Variants in CCDC146 observed in about 807,000 individuals in gnomAD.
The protein encoded by CCDC146 is coiled-coil domain-containing protein 146.
CCDC146 carries 92 observed loss-of-function variants against 119.3 expected under a neutral mutation model. The ratio of observed to expected loss-of-function variants is 0.77; its 90% CI spans 0.65 to 0.92. The LOEUF (loss-of-function observed/expected upper bound fraction) is 0.92, where lower values mean the gene tolerates loss of function less well. CCDC146 is among the 40% of genes least tolerant of loss of function. CCDC146 has a pLI of 0.00. For missense variants in CCDC146, 1,000 were observed against 1,103.0 expected, an observed-to-expected ratio of 0.91 and a Z score of 1.32; for synonymous variants, 372 against 371.8, an observed-to-expected ratio of 1.00 and a Z score of -0.01.
chr7:77,157,643 G>C (rs1791197142), intron 1 of CCDC146, among the ~76,000 whole-genome samples: 1 of 152,018 alleles, frequency 6.6e-6, no homozygotes. Context: ...TCCCCTTAAG[G>C]CCACATCCTC....
intron 9 of CCDC146, among the ~76,000 whole-genome samples, chr7:77,265,222 G>A (rs535358484): frequency 2.9e-4 from 44 of 152,266 alleles, no homozygotes; most frequent in Non-Finnish European, 5.4e-4. Flanking sequence ...AAGTACTGAC[G>A]GAAACCTCAG....
intron 2 of CCDC146, among the ~76,000 whole-genome samples, chr7:77,191,507 T>C (rs1791761135): frequency 6.6e-6 from 1 of 152,184 alleles, no homozygotes; most frequent in Admixed American, 6.5e-5. Flanking sequence ...AGGATAGAAC[T>C]TAGACAATAT....
At chr7:77,127,397 G>A (rs536144283) in intron 1 of CCDC146, among the ~76,000 whole-genome samples, 1 of 152,230 alleles carries the variant, frequency 6.6e-6, no homozygotes, top group African/African-American at 2.4e-5. Context: ...CCATGGAGTG[G>A]GAGGCCTGGG....
intron 1 of CCDC146, among the ~76,000 whole-genome samples, chr7:77,164,143 G>A (rs891587435): frequency 3.3e-5 from 5 of 151,884 alleles, no homozygotes; most frequent in Admixed American, 6.6e-5. Context: ...GATTACAGGC[G>A]TGAGTCACCA....
At chr7:77,179,320 G>A (rs1024211529) in intron 2 of CCDC146, among the ~76,000 whole-genome samples, 4 of 152,134 alleles carry the variant, frequency 2.6e-5, no homozygotes, top group African/African-American at 9.6e-5. Context: ...AGAAGGTGCA[G>A]AATAGTAAAC....
intron 1 of CCDC146, among the ~76,000 whole-genome samples, chr7:77,144,278 T>C (rs376382074): frequency 6.6e-6 from 1 of 151,086 alleles, no homozygotes. Context: ...TATCCTGAGA[T>C]TTTGCTGAAG....
At chr7:77,222,331 A>G (rs1050429764) in intron 2 of CCDC146, among the ~76,000 whole-genome samples, 1 of 152,218 alleles carries the variant, frequency 6.6e-6, no homozygotes, top group Non-Finnish European at 1.5e-5. Context: ...CCTCCATGCT[A>G]AATGCACTAT....
chr7:77,261,369 G>A (rs1307427960), intron 8 of CCDC146, among the ~76,000 whole-genome samples: 1 of 152,118 alleles, frequency 6.6e-6, no homozygotes, highest in Non-Finnish European at 1.5e-5. Context: ...GAGAACATGT[G>A]ATATTTGGTT....
At chr7:77,182,227 G>T (rs1035936828) in intron 2 of CCDC146, among the ~76,000 whole-genome samples, 1 of 152,104 alleles carries the variant, frequency 6.6e-6, no homozygotes, top group Non-Finnish European at 1.5e-5. Context: ...AAATCTTAAT[G>T]ATTTGGAAAG....
chr7:77,139,696 TAA>T (rs1007026184), intron 1 of CCDC146, among the ~76,000 whole-genome samples: 20 of 151,896 alleles, frequency 1.3e-4, no homozygotes, highest in African/African-American at 4.4e-4. Flanking sequence ...TCCCAAAAAA[TAA>T]GTCTTAAAAA....
intron 9 of CCDC146, among the ~76,000 whole-genome samples, chr7:77,266,538 T>C (rs1342939542): frequency 6.6e-6 from 1 of 152,172 alleles, no homozygotes; most frequent in Non-Finnish European, 1.5e-5. Flanking sequence ...CAGTAAATAT[T>C]GCCTTCCTTC....
At chr7:77,249,227 G>C (rs3114311) in intron 4 of CCDC146, among the ~76,000 whole-genome samples, 114,625 of 152,020 alleles carry the variant, frequency 0.75, 46,825 homozygotes, top group Non-Finnish European at 0.9. Flanking sequence ...CGCTGTGGCT[G>C]TCACCTGTAA....
intron 1 of CCDC146, among the ~76,000 whole-genome samples, chr7:77,154,913 C>T (rs1319798947): frequency 6.6e-6 from 1 of 151,952 alleles, no homozygotes; most frequent in East Asian, 1.9e-4. Flanking sequence ...CTAACGTGCA[C>T]ATTTTCATAG....
intron 2 of CCDC146, among the ~76,000 whole-genome samples, chr7:77,190,679 C>G (rs753521504): frequency 2.0e-5 from 3 of 152,190 alleles, no homozygotes. Context: ...CCTCTCATTT[C>G]CACCTCTTTC....
intron 1 of CCDC146, among the ~76,000 whole-genome samples, chr7:77,155,079 T>C (rs1562817703): frequency 6.6e-6 from 1 of 152,244 alleles, no homozygotes; most frequent in Non-Finnish European, 1.5e-5. Flanking sequence ...CTCTGCTGAC[T>C]GCTAAATTAT....
chr7:77,236,889 C>G, intron 2 of CCDC146, 58 bp from the exon 3 acceptor site: 1 of 1,259,678 alleles, frequency 7.9e-7, no homozygotes, highest in Non-Finnish European at 1.2e-6. Flanking sequence ...CCATTCCATC[C>G]CCTGCTTAAG....
chr7:77,153,979 A>G (rs932313686), intron 1 of CCDC146, among the ~76,000 whole-genome samples: 6 of 151,914 alleles, frequency 3.9e-5, no homozygotes, highest in African/African-American at 1.2e-4. Context: ...GGCAATTAAG[A>G]TAACTGTTGA....
At chr7:77,126,151 C>G (rs1790687177) in intron 1 of CCDC146, among the ~76,000 whole-genome samples, 1 of 152,100 alleles carries the variant, frequency 6.6e-6, no homozygotes, top group South Asian at 2.1e-4. Context: ...TTTGCTTAGA[C>G]TTTTTATCAT....
intron 1 of CCDC146, among the ~76,000 whole-genome samples, chr7:77,166,469 TCA>T (rs1389959961): frequency 1.3e-5 from 2 of 151,444 alleles, no homozygotes; most frequent in Admixed American, 1.3e-4. Flanking sequence ...CACATCACTT[TCA>T]GTTTGATCAA....
Sources: gnomAD v4.1 joint callset for allele counts (sites outside exome capture counted in the v4.1 genomes callset) on GRCh38, gnomAD v4.1.1 for gene constraint, MANE v1.5 for transcripts, NCBI Gene and HGNC (gene_info 2026-07-23, HGNC 2026-07-21) for gene names.